Variants in FUT8 observed in about 807,000 individuals in gnomAD.
FUT8 encodes alpha-(1,6)-fucosyltransferase.
A neutral mutation model predicts 71.3 loss-of-function variants in FUT8; 29 were observed. That is an observed-to-expected ratio of 0.41 (90% CI 0.30 to 0.55). The LOEUF (loss-of-function observed/expected upper bound fraction) is 0.55. Among genes scored for constraint, FUT8 ranks in the 20% least tolerant of loss-of-function variants. The pLI is 0.34. For missense variants in FUT8, 544 were observed against 702.1 expected (o/e 0.77, Z 2.55); for synonymous variants, 254 against 239.3 (o/e 1.06, Z -0.57).
intron 2 of FUT8, among the ~76,000 whole-genome samples, chr14:65,479,555 T>C (rs1313148229): frequency 6.6e-6 from 1 of 152,056 alleles, no homozygotes; most frequent in Non-Finnish European, 1.5e-5. Flanking sequence ...CCTCCTTCCC[T>C]TTCTTCTTTC....
chr14:65,389,523 G>T, the FUT8 span, among the ~76,000 whole-genome samples: 432 of 152,090 alleles, frequency 2.8e-3, no homozygotes, highest in African/African-American at 9.7e-3. Flanking sequence ...ATATTGGCCA[G>T]GCTGGTCTTG....
At chr14:65,601,171 A>G (rs1220435437) in intron 3 of FUT8, among the ~76,000 whole-genome samples, 1 of 152,184 alleles carries the variant, frequency 6.6e-6, no homozygotes, top group African/African-American at 2.4e-5. Flanking sequence ...GAAAATTATA[A>G]ATAAATAAAT....
intron 1 of FUT8, among the ~76,000 whole-genome samples, chr14:65,433,106 A>G (rs1205576193): frequency 2.0e-5 from 3 of 152,176 alleles, no homozygotes; most frequent in Non-Finnish European, 2.9e-5. Flanking sequence ...ATAGTGCAGA[A>G]ACCCTGACCC....
Position 65,434,670 on chromosome 14 carries a change from C to T in FUT8, c.-325-20951C>T, listed in dbSNP as rs1224252065. ...TTAAGAATTCAAAACTAAGAATTTA[C>T]TGTGTGGTAAGCCTGTGTTAAGCGT... On this transcript the variant is annotated intron_variant, in intron 1 of 10. Transcript: ENST00000673929. Among the ~76,000 whole-genome samples the T allele has an allele frequency of 2.0e-5, 3 of 152,308 alleles. No homozygotes were observed. The South Asian group carries it at 6.2e-4, about 32-fold the overall frequency.
chr14:65,586,765 A>G (rs1367055109), intron 3 of FUT8, among the ~76,000 whole-genome samples: 3 of 152,170 alleles, frequency 2.0e-5, no homozygotes. Flanking sequence ...TCTATCAAAT[A>G]AAAGTAAAAT....
intron 2 of FUT8, among the ~76,000 whole-genome samples, chr14:65,497,887 A>G (rs572458372): frequency 1.3e-5 from 2 of 152,218 alleles, no homozygotes; most frequent in South Asian, 2.1e-4. Context: ...GAGCAGATTG[A>G]GAATGTGCTG....
At chr14:65,701,775 C>CA (rs1193541755) in intron 7 of FUT8, among the ~76,000 whole-genome samples, 1 of 152,124 alleles carries the variant, frequency 6.6e-6, no homozygotes, top group East Asian at 1.9e-4. Context: ...ATTCCTAGAT[C>CA]TAGTACACAT....
At chr14:65,382,033 C>A in the FUT8 span, among the ~76,000 whole-genome samples, 8 of 152,204 alleles carry the variant, frequency 5.3e-5, no homozygotes, top group Non-Finnish European at 8.8e-5. Context: ...TCTGTAATGA[C>A]CTTCTATTTA....
rs192406986 is a variant in FUT8, at chr14:65,520,527, G to C, written c.-227-40810G>C. Among the ~76,000 whole-genome samples, 572 of 151,902 alleles carry C rather than the reference G, an allele frequency of 3.8e-3. 5 individuals carry two copies. The highest frequency in any genetic ancestry group is 0.013 in the African/African-American group (536 of 41,434). On this transcript the variant is annotated intron_variant, in intron 2 of 10. Coordinates refer to ENST00000673929, the MANE Select transcript of FUT8 (RefSeq NM_001371533.1). ...TTTCAATAACTTGCTGTTTTTATCA[G>C]GAAAAATTAATGAACTAATCAAAAT...
At chr14:65,540,171 G>A (rs985795977) in intron 2 of FUT8, among the ~76,000 whole-genome samples, 6 of 152,176 alleles carry the variant, frequency 3.9e-5, no homozygotes, top group African/African-American at 1.4e-4. Flanking sequence ...CATCAGTAGT[G>A]ATTCTGAAGC....
Position 65,525,223 on chromosome 14 carries a change from C to T in FUT8, c.-227-36114C>T, listed in dbSNP as rs145004215. On this transcript the variant is annotated intron_variant, in intron 2 of 10. Coordinates refer to ENST00000673929, the MANE Select transcript of FUT8 (RefSeq NM_001371533.1). ...TTTTTTTGGTTGGTAGGCTATTAAT[C>T]ATTGCCTCAATTTCAGAGCCTGTGA... Among the ~76,000 whole-genome samples, 874 of 152,182 alleles carry T rather than the reference C, an allele frequency of 5.7e-3. 33 individuals carry two copies. The East Asian group carries it at 0.092, about 16-fold the overall frequency.
At chr14:65,398,775 C>G in the FUT8 span, among the ~76,000 whole-genome samples, 1 of 151,860 alleles carries the variant, frequency 6.6e-6, no homozygotes, top group Non-Finnish European at 1.5e-5. Flanking sequence ...AACAAAACAT[C>G]CAAGTTGGCA....
intron 2 of FUT8, among the ~76,000 whole-genome samples, chr14:65,530,676 T>C (rs1314838525): frequency 3.3e-5 from 5 of 152,104 alleles, no homozygotes; most frequent in African/African-American, 1.2e-4. Context: ...AGTCAACTGA[T>C]GCGTTAAATT....
chr14:65,596,476 A>G (rs764144427), intron 3 of FUT8, among the ~76,000 whole-genome samples: 7 of 152,206 alleles, frequency 4.6e-5, no homozygotes, highest in Non-Finnish European at 8.8e-5. Context: ...ATTGTTCTGT[A>G]GGAGGACTGT....
intron 7 of FUT8, among the ~76,000 whole-genome samples, chr14:65,715,675 A>G (rs1177533293): frequency 6.6e-6 from 1 of 152,152 alleles, no homozygotes; most frequent in Non-Finnish European, 1.5e-5. Context: ...CGTTTGTTTC[A>G]AGAAATTTTT....
chr14:65,439,954 G>GTATACATATA (rs1555360999), intron 1 of FUT8, among the ~76,000 whole-genome samples: 5 of 74,984 alleles, frequency 6.7e-5, no homozygotes, highest in Admixed American at 3.3e-4. Flanking sequence ...GTGTGTGTGT[G>GTATACATATA]TATATATATA....
At chr14:65,528,252 GT>G (rs1390629316) in intron 2 of FUT8, among the ~76,000 whole-genome samples, 1 of 152,148 alleles carries the variant, frequency 6.6e-6, no homozygotes, top group Non-Finnish European at 1.5e-5. Context: ...GCAATGGCAG[GT>G]ACCCCTCCCC....
At chr14:65,522,887 A>G (rs1168152184) in intron 2 of FUT8, among the ~76,000 whole-genome samples, 7 of 152,082 alleles carry the variant, frequency 4.6e-5, no homozygotes, top group Non-Finnish European at 1.0e-4. Flanking sequence ...CCACATCCCT[A>G]CAAAGGACAT....
At chr14:65,360,372 T>C in the FUT8 span, among the ~76,000 whole-genome samples, 28 of 152,226 alleles carry the variant, frequency 1.8e-4, no homozygotes, top group Admixed American at 8.5e-4. Flanking sequence ...AGTGTACTGA[T>C]TATACCATTA....
Sources: allele counts gnomAD v4.1 joint callset (sites outside exome capture counted in the v4.1 genomes callset), GRCh38; gene constraint gnomAD v4.1.1; transcripts MANE v1.5; gene names NCBI Gene and HGNC (gene_info 2026-07-23, HGNC 2026-07-21).